Variants in RPS6KA2 observed in about 807,000 individuals in gnomAD.
RPS6KA2 encodes ribosomal protein S6 kinase alpha-2.
A neutral mutation model predicts 91.8 loss-of-function variants in RPS6KA2; 42 were observed. The observed-to-expected ratio is 0.46, with a 90% CI of 0.36 to 0.59. The LOEUF is 0.59. Ranked by LOEUF, RPS6KA2 falls within the 20% of genes least tolerant of loss-of-function variation. The pLI, the probability that RPS6KA2 is intolerant of heterozygous loss-of-function variation, is 0.00. For synonymous variants in RPS6KA2, 414 were observed against 393.6 expected (o/e 1.05, Z -0.61); for missense variants, 798 against 978.5 (o/e 0.82, Z 2.46).
intron 2 of RPS6KA2, among the ~76,000 whole-genome samples, chr6:166,797,466 C>T (rs1298625779): frequency 6.6e-6 from 1 of 152,174 alleles, no homozygotes; most frequent in Admixed American, 6.5e-5. Context: ...GGAAGCCTTA[C>T]TGATAACATA....
Position 166,627,207 on chromosome 6 carries a change from GC to G in RPS6KA2, c.-189del. 9.6e-7 allele frequency: 1 copy of G among 1,037,178 alleles called. No homozygotes were observed. The highest frequency in any genetic ancestry group is 1.2e-6 in the Non-Finnish European group (1 of 864,896). 64.2% of individuals were successfully genotyped at this position (1,037,178 alleles called of 1,614,324 possible). A position where few individuals can be genotyped will look rare whatever the true frequency, so the allele number is the denominator to read the frequency against. On this transcript the variant is annotated 5_prime_UTR_variant, in exon 1 of 21. Transcript: ENST00000265678. ...GGCCGCGCCGGCCACCGCGGCCGGG[GC>G]CACAATCGCTCCCTCCGCCTCCTTC...
At chr6:166,851,973 T>C (rs1277887224) in intron 2 of RPS6KA2, among the ~76,000 whole-genome samples, 2 of 152,160 alleles carry the variant, frequency 1.3e-5, no homozygotes, top group African/African-American at 2.4e-5. Flanking sequence ...AAATCATACG[T>C]TTTTCTTCTT....
intron 1 of RPS6KA2, among the ~76,000 whole-genome samples, chr6:166,546,215 C>T (rs183458038): frequency 5.5e-4 from 83 of 152,288 alleles, no homozygotes; most frequent in Non-Finnish European, 9.9e-4. Context: ...GGAACGATCT[C>T]CGAGAAGCCT....
chr6:166,762,885 C>T (rs1022041067), intron 2 of RPS6KA2, among the ~76,000 whole-genome samples: 3 of 152,182 alleles, frequency 2.0e-5, no homozygotes, highest in East Asian at 3.8e-4. Flanking sequence ...GGTGACTCTC[C>T]GTAGGTCAAA....
rs1788325504 is a variant in RPS6KA2, at chr6:166,666,671, A to C, written c.124-127887T>G. On this transcript the variant is annotated intron_variant, in intron 2 of 21. Coordinates refer to the RPS6KA2 transcript ENST00000503859. The surrounding 1 kb of genome is among the most constrained non-coding windows in gnomAD (Gnocchi z 4.0). Reference sequence around the variant, plus strand: ...GAATTGTTGTTTACTGTTGGTGGAAATGTAAAACGGTGCAGGAGCTCTGGA... The same window carrying C: ...GAATTGTTGTTTACTGTTGGTGGAACTGTAAAACGGTGCAGGAGCTCTGGA... 6.6e-6 allele frequency among the ~76,000 whole-genome samples: 1 copy of C among 152,260 alleles called. No individual in the cohort carries two copies. Among genetic ancestry groups the C allele is most frequent in the South Asian group, 2.1e-4 (1 of 4,832 alleles).
rs1156634996 is a variant in RPS6KA2, at chr6:166,413,748, G to C, written c.2076+46C>G. The C allele has an allele frequency of 2.5e-6, 4 of 1,601,704 alleles. No individual in the cohort carries two copies. In the South Asian group the frequency reaches 4.4e-5, roughly 18 times the overall value. On this transcript the variant is annotated intron_variant, in intron 20 of 20. Coordinates refer to ENST00000265678, the MANE Select transcript of RPS6KA2 (RefSeq NM_021135.6). ...TTGCAAGGTATCAGGCTCTTTTCTG[G>C]GTTTCCCATTCCCACCACTCTGTCC...
At chr6:166,797,693 G>T (rs554232071) in intron 2 of RPS6KA2, among the ~76,000 whole-genome samples, 2 of 152,062 alleles carry the variant, frequency 1.3e-5, no homozygotes, top group Non-Finnish European at 2.9e-5. Context: ...TTGCTGTCTC[G>T]GGGTGGCAGA....
chr6:166,488,673 A>G (rs1349177685), intron 10 of RPS6KA2, among the ~76,000 whole-genome samples, 160 bp downstream of exon 10: 1 of 152,230 alleles, frequency 6.6e-6, no homozygotes, highest in Non-Finnish European at 1.5e-5. Flanking sequence ...CCTGGAGCTC[A>G]GATGGCACTG....
chr6:166,435,427 T>C lies in RPS6KA2; in HGVS notation c.1333-2937A>G, dbSNP rs997723389. Among the ~76,000 whole-genome samples, 4 of 152,236 alleles carry C rather than the reference T, an allele frequency of 2.6e-5. No homozygotes were observed. Among genetic ancestry groups the C allele is most frequent in the Non-Finnish European group, 4.4e-5 (3 of 68,032 alleles). On this transcript the variant is annotated intron_variant, in intron 14 of 20. Coordinates refer to ENST00000265678, the MANE Select transcript of RPS6KA2 (RefSeq NM_021135.6). This position sits in a 1 kb window ranked among gnomAD's most constrained non-coding sequence, Gnocchi z 4.3. ...TCTGATACACATTTAAGCATGCATG[T>C]TGACTTTCATTACATTTTCAACATA... is the stretch of plus-strand genomic sequence containing the variant.
chr6:166,413,697 T>C, intron 20 of RPS6KA2, 97 bp downstream of exon 20: 1 of 1,332,606 alleles, frequency 7.5e-7, no homozygotes, highest in South Asian at 1.4e-5. Flanking sequence ...GCTCTTTCTC[T>C]GCACTCTGTG....
At chr6:166,812,602 C>T (rs182496563) in intron 2 of RPS6KA2, among the ~76,000 whole-genome samples, 2 of 152,252 alleles carry the variant, frequency 1.3e-5, no homozygotes, top group African/African-American at 4.8e-5. Context: ...GGGCGCGTGG[C>T]CTCCCATACC....
chr6:166,622,317 C>T (rs1203551703), intron 1 of RPS6KA2, among the ~76,000 whole-genome samples: 1 of 151,880 alleles, frequency 6.6e-6, no homozygotes, highest in Non-Finnish European at 1.5e-5. Flanking sequence ...ATTGTGACCA[C>T]AAATAAGGAA....
intron 3 of RPS6KA2, among the ~76,000 whole-genome samples, chr6:166,513,253 C>G (rs1173120065): frequency 6.6e-6 from 1 of 152,148 alleles, no homozygotes; most frequent in Non-Finnish European, 1.5e-5. Context: ...GTGCTGTGGG[C>G]AGAGCTGGGG....
At chr6:166,793,804 T>G (rs1478703710) in intron 2 of RPS6KA2, among the ~76,000 whole-genome samples, 2 of 152,028 alleles carry the variant, frequency 1.3e-5, no homozygotes, top group East Asian at 1.9e-4. Flanking sequence ...TAGCCATATG[T>G]AGAAAGCTGA....
At chr6:166,815,868 TATG>T (rs746087157) in intron 2 of RPS6KA2, among the ~76,000 whole-genome samples, 2 of 152,232 alleles carry the variant, frequency 1.3e-5, no homozygotes, top group African/African-American at 2.4e-5. Context: ...GGCCTCCATC[TATG>T]ATAATTCATT....
chr6:166,444,582 G>A (rs893233799), intron 14 of RPS6KA2, among the ~76,000 whole-genome samples: 1 of 152,256 alleles, frequency 6.6e-6, no homozygotes, highest in African/African-American at 2.4e-5. Flanking sequence ...CTGGCTGGGG[G>A]CACCGGCAGA....
chr6:166,840,747 A>C (rs1236096527), intron 2 of RPS6KA2, among the ~76,000 whole-genome samples: 2 of 152,164 alleles, frequency 1.3e-5, no homozygotes, highest in Admixed American at 6.5e-5. Flanking sequence ...AGATCACCTG[A>C]GGTCGGGAGT....
chr6:166,691,894 A>G (rs1246322116), intron 2 of RPS6KA2, among the ~76,000 whole-genome samples: 1 of 152,200 alleles, frequency 6.6e-6, no homozygotes. Context: ...GAAAACAAAG[A>G]CCAGAATGAG....
chr6:166,839,851 G>A (rs1280998217), intron 2 of RPS6KA2, among the ~76,000 whole-genome samples: 2 of 150,936 alleles, frequency 1.3e-5, no homozygotes, highest in Admixed American at 1.3e-4. Context: ...AGCCCAGTGA[G>A]ACTGATTTTG....
Sources: allele counts gnomAD v4.1 joint callset (sites outside exome capture counted in the v4.1 genomes callset), GRCh38; gene constraint gnomAD v4.1.1; non-coding constraint Gnocchi (gnomAD v3.1); transcripts MANE v1.5; gene names NCBI Gene and HGNC (gene_info 2026-07-23, HGNC 2026-07-21).